FAM193A: variants seen among roughly 807,000 people sequenced by gnomAD.
FAM193A encodes the protein family with sequence similarity 193 member A.
A neutral mutation model predicts 126.5 loss-of-function variants in FAM193A; 22 were observed. The observed-to-expected ratio is 0.17, with a 90% CI of 0.12 to 0.25. The LOEUF (loss-of-function observed/expected upper bound fraction) is 0.25, where lower values mean the gene tolerates loss of function less well. Among genes scored for constraint, FAM193A ranks in the 10% least tolerant of loss-of-function variants. The pLI, the probability that FAM193A is intolerant of heterozygous loss-of-function variation, is 1.00. For missense variants in FAM193A, 1,675 were observed against 1,672.8 expected (o/e 1.00, Z -0.02); for synonymous variants, 761 against 646.8 (o/e 1.18, Z -2.68).
At chr4:2,590,385 A>C (rs34322484) in intron 1 of FAM193A, among the ~76,000 whole-genome samples, 4,709 of 148,308 alleles carry the variant, frequency 0.032, 84 homozygotes, top group South Asian at 0.075. Flanking sequence ...GGATCATTTG[A>C]ACTCGGGAGG....
At chr4:2,662,766 G>C (rs1712614036) in intron 10 of FAM193A, 72 bp from the exon 11 acceptor site, 2 of 1,180,422 alleles carry the variant, frequency 1.7e-6, no homozygotes, top group Admixed American at 1.8e-5. Flanking sequence ...AAATATCTGT[G>C]CTTAGTGGCT....
At chr4:2,562,282 C>T (rs1253086819) in intron 1 of FAM193A, among the ~76,000 whole-genome samples, 1 of 151,908 alleles carries the variant, frequency 6.6e-6, no homozygotes, top group African/African-American at 2.4e-5. Context: ...ACCCTCGTCT[C>T]TACAAAAAAT....
At chr4:2,726,482 C>T (rs1720761435) in intron 20 of FAM193A, among the ~76,000 whole-genome samples, 1 of 152,166 alleles carries the variant, frequency 6.6e-6, no homozygotes, top group South Asian at 2.1e-4. Flanking sequence ...ACTGCCTTCT[C>T]TGGCCTTGCT....
chr4:2,649,862 A>T (rs1005163878), intron 7 of FAM193A, among the ~76,000 whole-genome samples: 7 of 152,172 alleles, frequency 4.6e-5, no homozygotes, highest in African/African-American at 1.4e-4. Context: ...GAGCCAGTGA[A>T]GCCTGTCAGT....
chr4:2,603,029 C>T (rs1458440435), intron 2 of FAM193A, among the ~76,000 whole-genome samples: 6 of 125,330 alleles, frequency 4.8e-5, no homozygotes, highest in South Asian at 2.6e-4. Flanking sequence ...AGTGCAGTGG[C>T]GCCATCTCAG....
chr4:2,566,650 T>C (rs1440272977), intron 1 of FAM193A, among the ~76,000 whole-genome samples: 1 of 152,000 alleles, frequency 6.6e-6, no homozygotes, highest in African/African-American at 2.4e-5. Context: ...ATCACACCAC[T>C]GCATTCCAGC....
At chr4:2,603,649 C>CG (rs1220044444) in intron 2 of FAM193A, among the ~76,000 whole-genome samples, 1 of 151,258 alleles carries the variant, frequency 6.6e-6, no homozygotes, top group African/African-American at 2.4e-5. Flanking sequence ...TTAGTAGAGA[C>CG]GGGGTTTCAC....
intron 2 of FAM193A, among the ~76,000 whole-genome samples, chr4:2,598,025 C>T (rs1740969105): frequency 6.6e-6 from 1 of 152,180 alleles, no homozygotes; most frequent in Non-Finnish European, 1.5e-5. Flanking sequence ...CTGCCTCAGC[C>T]TCCCCAGTAG....
chr4:2,560,945 A>G (rs1391453328), intron 1 of FAM193A, among the ~76,000 whole-genome samples: 1 of 151,946 alleles, frequency 6.6e-6, no homozygotes, highest in Admixed American at 6.6e-5. Flanking sequence ...GAGCTGCTGC[A>G]CCTGGCTCCC....
chr4:2,712,187 T>C (rs1248775803), intron 19 of FAM193A, among the ~76,000 whole-genome samples: 1 of 150,602 alleles, frequency 6.6e-6, no homozygotes, highest in African/African-American at 2.5e-5. Flanking sequence ...TAGAGTTCAC[T>C]GTGTGTGTGT....
chr4:2,715,118 G>T (rs1163081850), intron 19 of FAM193A, among the ~76,000 whole-genome samples: 1 of 152,176 alleles, frequency 6.6e-6, no homozygotes. Flanking sequence ...TTTCAAAGAT[G>T]GTTGTGTAAT....
chr4:2,679,357 T>A (rs58230072), intron 13 of FAM193A, among the ~76,000 whole-genome samples: 3,688 of 151,104 alleles, frequency 0.024, 166 homozygotes, highest in African/African-American at 0.085. Flanking sequence ...CAAGCGATAC[T>A]CGTTTGTAGT....
chr4:2,665,295 T>C (rs745766044), intron 12 of FAM193A, among the ~76,000 whole-genome samples: 7 of 152,218 alleles, frequency 4.6e-5, no homozygotes, highest in Non-Finnish European at 1.0e-4. Flanking sequence ...GATTTTTTTA[T>C]ATTGGTCTTG....
intron 2 of FAM193A, among the ~76,000 whole-genome samples, chr4:2,613,925 C>G (rs1311166911): frequency 3.6e-4 from 54 of 151,956 alleles, no homozygotes; most frequent in Non-Finnish European, 2.9e-5. Flanking sequence ...CAGGTGCGTA[C>G]CACCATGCCC....
intron 1 of FAM193A, among the ~76,000 whole-genome samples, chr4:2,591,577 G>C (rs917827283): frequency 6.6e-6 from 1 of 152,114 alleles, no homozygotes; most frequent in Non-Finnish European, 1.5e-5. Context: ...GGGTTGTGCT[G>C]CTGTTACCCG....
intron 18 of FAM193A, 113 bp from the exon 19 acceptor site, chr4:2,699,567 T>G (rs1377902736): frequency 2.5e-5 from 26 of 1,025,452 alleles, no homozygotes; most frequent in Non-Finnish European, 9.9e-6. Flanking sequence ...TACAGCCTCT[T>G]CAGAGTTTAT....
At chr4:2,577,422 G>T (rs13107518) in intron 1 of FAM193A, among the ~76,000 whole-genome samples, 7,658 of 114,888 alleles carry the variant, frequency 0.067, 299 homozygotes, top group Non-Finnish European at 0.093. Context: ...TTTTTTTTTT[G>T]TTTTTTTTTT....
At chr4:2,613,107 G>GGCTAA (rs1741975384) in intron 2 of FAM193A, among the ~76,000 whole-genome samples, 2 of 152,108 alleles carry the variant, frequency 1.3e-5, no homozygotes, top group African/African-American at 4.8e-5. Context: ...GCATTGTTTT[G>GGCTAA]TAGTCAGTAT....
At chr4:2,590,731 G>A (rs1277374472) in intron 1 of FAM193A, among the ~76,000 whole-genome samples, 2 of 151,604 alleles carry the variant, frequency 1.3e-5, no homozygotes, top group Admixed American at 1.3e-4. Context: ...ATAGTCTATA[G>A]GAAGTGTAGA....
Sources: gnomAD v4.1 joint callset for allele counts (sites outside exome capture counted in the v4.1 genomes callset) on GRCh38, gnomAD v4.1.1 for gene constraint, MANE v1.5 for transcripts, NCBI Gene and HGNC (gene_info 2026-07-23, HGNC 2026-07-21) for gene names.